The following CELSR1 variants were observed in gnomAD, a reference collection of about 807,000 sequenced individuals.
CELSR1 encodes the protein cadherin EGF LAG seven-pass G-type receptor 1.
In CELSR1, 110 loss-of-function variants were observed where a neutral mutation model predicts 249.1. The observed-to-expected ratio is 0.44, with a 90% confidence interval of 0.38 to 0.52. The LOEUF (loss-of-function observed/expected upper bound fraction) is 0.52, where lower values mean the gene tolerates loss of function less well. Ranked by LOEUF, CELSR1 falls within the 20% of genes least tolerant of loss-of-function variation. CELSR1 has a pLI of 0.00. For synonymous variants in CELSR1, 2,113 were observed against 1,900.0 expected, an observed-to-expected ratio of 1.11 and a Z score of -2.92; for missense variants, 4,109 against 4,296.4, an observed-to-expected ratio of 0.96 and a Z score of 1.22.
chr22:46,407,399 G>A lies in CELSR1; in HGVS notation c.5226+1597C>T, dbSNP rs1224260596. Reference sequence around the variant, plus strand: ...AATCCCAGCACTTTGGGAGGCGGAGGCGAGTGGATCACCTGAGGTCAGGAG... The same window carrying A: ...AATCCCAGCACTTTGGGAGGCGGAGACGAGTGGATCACCTGAGGTCAGGAG... On this transcript the variant is annotated intron_variant, in intron 9 of 34. Coordinates refer to ENST00000674500, the MANE Select transcript of CELSR1 (RefSeq NM_001378328.1). The surrounding 1 kb of genome is among the most constrained non-coding windows in gnomAD (Gnocchi z 4.8). 2.6e-5 allele frequency among the ~76,000 whole-genome samples: 4 copies of A among 152,128 alleles called. No homozygotes were observed. Among genetic ancestry groups the A allele is most frequent in the Non-Finnish European group, 5.9e-5 (4 of 68,016 alleles).
At chr22:46,509,249 C>G (rs1479982640) in intron 1 of CELSR1, among the ~76,000 whole-genome samples, 5 of 152,174 alleles carry the variant, frequency 3.3e-5, no homozygotes, top group Non-Finnish European at 7.3e-5. Context: ...ACCTGCAAAG[C>G]GGGGGCTCCA....
rs555486081 is a variant in CELSR1, at chr22:46,476,639, G to A, written c.3545-12294C>T. 1.3e-4 allele frequency among the ~76,000 whole-genome samples: 19 copies of A among 150,490 alleles called. No homozygotes were observed. In the South Asian group the frequency reaches 1.9e-3, roughly 15 times the overall value. ...GAGGAAGTACTGACCAGGCTACAACGTGCATGAAACTCACAAACTTTCCGC... is the reference window on the plus strand; with the variant it reads ...GAGGAAGTACTGACCAGGCTACAACATGCATGAAACTCACAAACTTTCCGC... On this transcript the variant is annotated intron_variant, in intron 1 of 34. Coordinates refer to ENST00000674500, the MANE Select transcript of CELSR1 (RefSeq NM_001378328.1).
At chr22:46,444,292 G>C (rs1278919485) in intron 2 of CELSR1, among the ~76,000 whole-genome samples, 1 of 152,238 alleles carries the variant, frequency 6.6e-6, no homozygotes, top group East Asian at 1.9e-4. Flanking sequence ...TTTGTATCTG[G>C]AAGGTTTGAA....
In CELSR1 at chr22:46,428,218, C is replaced by T. The variant is rs143760344; in HGVS notation, c.4611+5175G>A. ...TTCCGCAGCATGCCAAAGACAGCCC[C>T]GCGCCATCTCAGAATCACCAGAACC... is the stretch of plus-strand genomic sequence containing the variant. On this transcript the variant is annotated intron_variant, in intron 5 of 34. Coordinates refer to ENST00000674500, the MANE Select transcript of CELSR1 (RefSeq NM_001378328.1). The surrounding 1 kb of genome is among the most constrained non-coding windows in gnomAD (Gnocchi z 5.7). Among the ~76,000 whole-genome samples the T allele has an allele frequency of 3.3e-5, 5 of 152,296 alleles. No individual in the cohort carries two copies. The highest frequency in any genetic ancestry group is 9.6e-5 in the African/African-American group (4 of 41,542).
rs183288113 is a variant in CELSR1 at position 46,381,420 on chromosome 22, C to T, written c.7088+426G>A. 1.1e-3 allele frequency among the ~76,000 whole-genome samples: 175 copies of T among 152,282 alleles called. 1 individual carries two copies. In the Middle Eastern group the frequency reaches 0.017, roughly 15 times the overall value. On this transcript the variant is annotated intron_variant, in intron 21 of 34. Coordinates refer to ENST00000674500, the MANE Select transcript of CELSR1 (RefSeq NM_001378328.1). The surrounding 1 kb of genome is among the most constrained non-coding windows in gnomAD (Gnocchi z 6.0). ...GGGCGGAGCCTTGGGCTGCTCCCAC[C>T]GAGCAGGTTGCAAAGCTGCTTCTGG...
rs1357005233 is a variant in CELSR1, at chr22:46,390,489, G to A, written c.6251-3C>T. ...GCTGCAGTGTCGGACCGCATTTCCTGGGGAAGGAGAGCAGGTGTGCAAAGC... is the reference window on the plus strand; with the variant it reads ...GCTGCAGTGTCGGACCGCATTTCCTAGGGAAGGAGAGCAGGTGTGCAAAGC... On this transcript the variant is annotated splice_polypyrimidine_tract_variant and splice_region_variant and intron_variant, in intron 16 of 34. Transcript: ENST00000674500. The surrounding 1 kb of genome is among the most constrained non-coding windows in gnomAD (Gnocchi z 6.3). The A allele has an allele frequency of 1.2e-6, 2 of 1,612,316 alleles. No homozygotes were observed. Among genetic ancestry groups the A allele is most frequent in the Non-Finnish European group, 1.7e-6 (2 of 1,179,054 alleles).
At chr22:46,405,996 G>A (rs1007017789) in intron 9 of CELSR1, among the ~76,000 whole-genome samples, 2 of 152,168 alleles carry the variant, frequency 1.3e-5, no homozygotes, top group Admixed American at 1.3e-4. Flanking sequence ...ACTTCCACAG[G>A]GAGGGCTGGC....
chr22:46,364,836 C>T, intron 32 of CELSR1, 100 bp from the exon 33 acceptor site: 2 of 1,190,016 alleles, frequency 1.7e-6, no homozygotes. Context: ...CTCTCCCCAA[C>T]CTGCAGGCCT....
rs2079574333 is a variant in CELSR1 at position 46,429,839 on chromosome 22, T to A, written c.4611+3554A>T. ...TCCAATCTGCCCTTTCCCTTGATGC[T>A]CTAGGACTAAGGGCCATCGCAGCTC... On this transcript the variant is annotated intron_variant, in intron 5 of 34. Coordinates refer to ENST00000674500, the MANE Select transcript of CELSR1 (RefSeq NM_001378328.1). This position sits in a 1 kb window ranked among gnomAD's most constrained non-coding sequence, Gnocchi z 4.1. Among the ~76,000 whole-genome samples the A allele has an allele frequency of 6.6e-6, 1 of 152,218 alleles. No homozygotes were observed. Among genetic ancestry groups the A allele is most frequent in the Non-Finnish European group, 1.5e-5 (1 of 68,020 alleles).
intron 2 of CELSR1, among the ~76,000 whole-genome samples, chr22:46,458,459 G>A (rs2079982194): frequency 6.6e-6 from 1 of 152,272 alleles, no homozygotes; most frequent in African/African-American, 2.4e-5. Context: ...GGGACAGGCA[G>A]CAGAGAGAAG....
intron 18 of CELSR1, among the ~76,000 whole-genome samples, 192 bp from the exon 19 acceptor site, chr22:46,386,777 C>T (rs188506209): frequency 1.1e-3 from 160 of 152,040 alleles, no homozygotes; most frequent in African/African-American, 3.5e-3. Context: ...TTTTGAGACA[C>T]ACTTCCGCTC....
chr22:46,385,334 C>A (rs113932760), intron 19 of CELSR1, among the ~76,000 whole-genome samples: 4,677 of 152,180 alleles, frequency 0.031, 257 homozygotes, highest in African/African-American at 0.1. Flanking sequence ...TGGGCTCAAG[C>A]AATCTGCCCA....
chr22:46,423,899 T>C lies in CELSR1; in HGVS notation c.4611+9494A>G, dbSNP rs126574. ...CTGAGGGCAGGAGAATGGCTTGAAC[T>C]CAGGAGGCGGAGGTTGCAGTGAGCC... On this transcript the variant is annotated intron_variant, in intron 5 of 34. Coordinates refer to ENST00000674500, the MANE Select transcript of CELSR1 (RefSeq NM_001378328.1). The surrounding 1 kb of genome is among the most constrained non-coding windows in gnomAD (Gnocchi z 5.6). Among the ~76,000 whole-genome samples the C allele has an allele frequency of 0.72, 109,165 of 151,778 alleles. 39,281 individuals are homozygous for C. Among genetic ancestry groups the C allele is most frequent in the South Asian group, 0.77 (3,710 of 4,804 alleles).
At chr22:46,467,184 G>T (rs2080105485) in intron 1 of CELSR1, among the ~76,000 whole-genome samples, 1 of 152,152 alleles carries the variant, frequency 6.6e-6, no homozygotes, top group Non-Finnish European at 1.5e-5. Flanking sequence ...ACATAGTTTT[G>T]TCTTACGCAA....
Position 46,367,865 on chromosome 22 carries a change from G to A in CELSR1, c.7953-10C>T, listed in dbSNP as rs754755899. On this transcript the variant is annotated splice_polypyrimidine_tract_variant and intron_variant, in intron 27 of 34. Transcript: ENST00000674500. ...GGTCCTCAGCAGGGAGCTGCGGGAG[G>A]GCAGGATCAGGCCTGTGCCCATCGC... The A allele has an allele frequency of 2.1e-5, 34 of 1,606,200 alleles. No homozygotes were observed. The highest frequency in any genetic ancestry group is 2.7e-5 in the African/African-American group (2 of 74,850).
chr22:46,486,177 G>A (rs927844666), intron 1 of CELSR1, among the ~76,000 whole-genome samples: 18 of 151,262 alleles, frequency 1.2e-4, no homozygotes, highest in Non-Finnish European at 2.4e-4. Context: ...CTGACCTCGT[G>A]ATCCGCCAGC....
chr22:46,430,131 T>G lies in CELSR1; in HGVS notation c.4611+3262A>C, dbSNP rs1043542784. Among the ~76,000 whole-genome samples the G allele has an allele frequency of 6.6e-6, 1 of 152,074 alleles. No individual in the cohort carries two copies. Among genetic ancestry groups the G allele is most frequent in the Non-Finnish European group, 1.5e-5 (1 of 68,022 alleles). On this transcript the variant is annotated intron_variant, in intron 5 of 34. Coordinates refer to ENST00000674500, the MANE Select transcript of CELSR1 (RefSeq NM_001378328.1). The surrounding 1 kb of genome is among the most constrained non-coding windows in gnomAD (Gnocchi z 4.6). The stretch of plus-strand genomic sequence containing the variant: ...ACACCCGGGAGATCATGCTCAGATC[T>G]AAAATGCAGGTGGCCCACACCTCAG...
chr22:46,369,497 G>A (rs1184743195), intron 26 of CELSR1, among the ~76,000 whole-genome samples, 195 bp downstream of exon 26: 1 of 152,256 alleles, frequency 6.6e-6, no homozygotes, highest in African/African-American at 2.4e-5. Context: ...ATGCGGACAC[G>A]ACGCGAGACC....
chr22:46,501,199 ATTTTTTT>A (rs57293109), intron 1 of CELSR1, among the ~76,000 whole-genome samples: 144 of 108,538 alleles, frequency 1.3e-3, no homozygotes, highest in Admixed American at 2.8e-3. Flanking sequence ...TGCCCGGCTA[ATTTTTTT>A]TTTTTTTTTT....
Sources: allele counts gnomAD v4.1 joint callset (sites outside exome capture counted in the v4.1 genomes callset), GRCh38; gene constraint gnomAD v4.1.1; non-coding constraint Gnocchi (gnomAD v3.1); transcripts MANE v1.5; gene names NCBI Gene and HGNC (gene_info 2026-07-23, HGNC 2026-07-21).